The following GNPTAB variants were observed in gnomAD, a reference collection of about 807,000 sequenced individuals.
The protein encoded by GNPTAB is N-acetylglucosamine-1-phosphotransferase subunits alpha/beta.
A neutral mutation model predicts 136.6 loss-of-function variants in GNPTAB; 92 were observed. That is an observed-to-expected ratio of 0.67 (90% CI 0.57 to 0.80). The LOEUF (loss-of-function observed/expected upper bound fraction) is 0.80, where lower values mean the gene tolerates loss of function less well. GNPTAB is among the 30% of genes least tolerant of loss of function. The probability of loss-of-function intolerance (pLI) is 0.00; values close to 1 mark genes in which losing one functional copy is unlikely to be tolerated. For missense variants in GNPTAB, 1,343 were observed against 1,501.8 expected (o/e 0.89, Z 1.75); for synonymous variants, 512 against 535.1 (o/e 0.96, Z 0.60).
At position 101,746,273 on chromosome 12, in the gene GNPTAB, CTCTGT is replaced by C. The variant is rs1200219420; in HGVS notation, c.*886_*890del. ...CCTTTTACAAAGAAAGTTTGCTGGC[CTCTGT>C]TCTATCAAAAACCAACTGAGAGAGA... On this transcript the variant is annotated 3_prime_UTR_variant, in exon 21 of 21. Coordinates refer to ENST00000299314, the MANE Select transcript of GNPTAB (RefSeq NM_024312.5). 2.4e-5 allele frequency: 3 copies of C among 124,058 alleles called. No homozygotes were observed. Among genetic ancestry groups the C allele is most frequent in the South Asian group, 4.9e-4 (2 of 4,050 alleles). 7.7% of individuals were successfully genotyped at this position (124,058 alleles called of 1,614,324 possible).
chr12:101,794,690 T>TAAA (rs946866863), intron 2 of GNPTAB, among the ~76,000 whole-genome samples: 72 of 152,326 alleles, frequency 4.7e-4, no homozygotes, highest in African/African-American at 1.7e-3. Flanking sequence ...CCTTCTAAAC[T>TAAA]TCTTTAGAAA....
intron 1 of GNPTAB, among the ~76,000 whole-genome samples, chr12:101,808,125 AT>A (rs1933264003): frequency 6.6e-6 from 1 of 152,220 alleles, no homozygotes; most frequent in Non-Finnish European, 1.5e-5. Context: ...ATCAAAGAAG[AT>A]CCAAATGAAA....
chr12:101,749,005 ATT>A (rs1392423145), intron 20 of GNPTAB, 94 bp downstream of exon 20: 3 of 781,242 alleles, frequency 3.8e-6, no homozygotes, highest in African/African-American at 3.4e-5. Flanking sequence ...AGAAGTTAAA[ATT>A]TTGATTGTAA....
Position 101,757,295 on chromosome 12 carries a change from T to C in GNPTAB, c.3351A>G (p.Gly1117=). 6.3e-7 allele frequency: 1 copy of C among 1,594,864 alleles called. No homozygotes were observed. Among genetic ancestry groups the C allele is most frequent in the Admixed American group, 1.7e-5 (1 of 59,942 alleles). Residue 1117 remains glycine, a synonymous_variant, in exon 18 of 21, where the codon GGA becomes GGG. Coordinates refer to ENST00000299314, the MANE Select transcript of GNPTAB (RefSeq NM_024312.5). ...TCATTTTAAAAGCGATTTCTTCTTC[T>C]CCCATGATTTCAAACCTAATTATCA... ...DKNKYRFEIM[G]EEEIAFKMIR...
chr12:101,764,550 A>T lies in GNPTAB; in HGVS notation c.2367T>A (p.Thr789=), dbSNP rs139186716. 17 of 1,613,174 alleles carry T rather than the reference A, an allele frequency of 1.1e-5. No individual in the cohort carries two copies. In the African/African-American group the frequency reaches 2.1e-4, roughly 20 times the overall value. The change falls in exon 13 of 21, where the codon ACT becomes ACA. Residue 789 remains threonine (T), a synonymous_variant. Coordinates refer to ENST00000299314, the MANE Select transcript of GNPTAB (RefSeq NM_024312.5). ...LGVSERLQRL[T]FPAVSVKVNG... is the part of the protein sequence containing the mutation. ...TCACTTTTACACTCACTGCAGGAAAAGTCAACCTCTGCAATCTTTCAGACA... is the reference window on the plus strand; with the variant it reads ...TCACTTTTACACTCACTGCAGGAAATGTCAACCTCTGCAATCTTTCAGACA...
intron 2 of GNPTAB, among the ~76,000 whole-genome samples, chr12:101,794,171 G>A (rs1869149643): frequency 6.6e-6 from 1 of 152,088 alleles, no homozygotes; most frequent in Admixed American, 6.6e-5. Flanking sequence ...CCAAAGAGTT[G>A]GAAGAGATTG....
intron 7 of GNPTAB, among the ~76,000 whole-genome samples, chr12:101,775,003 G>A (rs1233210138): frequency 2.6e-5 from 4 of 152,200 alleles, no homozygotes; most frequent in Non-Finnish European, 5.9e-5. Context: ...TCACATATCT[G>A]CAAATACTCC....
At chr12:101,824,229 T>C (rs1344749379) in intron 1 of GNPTAB, among the ~76,000 whole-genome samples, 1 of 151,798 alleles carries the variant, frequency 6.6e-6, no homozygotes, top group African/African-American at 2.4e-5. Context: ...CTGCTGCAGT[T>C]ACTGAACTGG....
intron 4 of GNPTAB, among the ~76,000 whole-genome samples, chr12:101,786,493 C>T (rs980174071): frequency 2.6e-5 from 4 of 152,104 alleles, no homozygotes; most frequent in Non-Finnish European, 5.9e-5. Flanking sequence ...TGAAATTAAG[C>T]ACTTCATTAC....
At chr12:101,815,276 C>CTGGTCTCCCACCT (rs1442765476) in intron 1 of GNPTAB, among the ~76,000 whole-genome samples, 1 of 152,174 alleles carries the variant, frequency 6.6e-6, no homozygotes, top group African/African-American at 2.4e-5. Flanking sequence ...GTTGCCTAGG[C>CTGGTCTCCCACCT]TGGTCTCCCA....
chr12:101,763,687 T>A (rs1953036546), intron 13 of GNPTAB, among the ~76,000 whole-genome samples: 1 of 152,202 alleles, frequency 6.6e-6, no homozygotes. Flanking sequence ...TCATCTTGCA[T>A]TCCCCAGTGG....
At chr12:101,757,480 C>A in intron 17 of GNPTAB, 92 bp downstream of exon 17, 1 of 815,916 alleles carries the variant, frequency 1.2e-6, no homozygotes, top group Non-Finnish European at 2.1e-6. Context: ...TAGAACAGTG[C>A]TTAATAGACA....
intron 16 of GNPTAB, among the ~76,000 whole-genome samples, chr12:101,758,725 C>A (rs1366234787): frequency 6.6e-6 from 1 of 152,196 alleles, no homozygotes; most frequent in Admixed American, 6.5e-5. Context: ...GCTATGCTGA[C>A]CTCTTTCACC....
At chr12:101,791,459 C>T (rs1868983212) in intron 2 of GNPTAB, among the ~76,000 whole-genome samples, 1 of 136,086 alleles carries the variant, frequency 7.3e-6, no homozygotes, top group South Asian at 2.2e-4. Flanking sequence ...AGTTGATGAG[C>T]CAAAAAAAAA....
At chr12:101,793,545 G>A (rs1356313652) in intron 2 of GNPTAB, among the ~76,000 whole-genome samples, 1 of 152,154 alleles carries the variant, frequency 6.6e-6, no homozygotes, top group Non-Finnish European at 1.5e-5. Flanking sequence ...CGAGGTCAAT[G>A]AGTCAGTTGT....
chr12:101,783,916 C>T (rs918324765), intron 5 of GNPTAB, among the ~76,000 whole-genome samples: 1 of 151,244 alleles, frequency 6.6e-6, no homozygotes, highest in Admixed American at 6.6e-5. Context: ...CAGGGTTTTG[C>T]CATGTTACCA....
rs114694919 is a variant in GNPTAB, at chr12:101,747,512, A to T, written c.3694-271T>A. 6.2e-3 allele frequency among the ~76,000 whole-genome samples: 937 copies of T among 152,280 alleles called. 8 individuals carry two copies. The highest frequency in any genetic ancestry group is 0.021 in the African/African-American group (882 of 41,552). On this transcript the variant is annotated intron_variant, in intron 20 of 20. Coordinates refer to ENST00000299314, the MANE Select transcript of GNPTAB (RefSeq NM_024312.5). ...TCGGCCCATGCTTCATTTTTCTAAG[A>T]CCTACAACTACAGATTTTTACACAG...
At chr12:101,792,012 A>C (rs1054375937) in intron 2 of GNPTAB, among the ~76,000 whole-genome samples, 3 of 152,224 alleles carry the variant, frequency 2.0e-5, no homozygotes, top group Non-Finnish European at 4.4e-5. Context: ...GAAGTAAATC[A>C]AATAAATAAA....
intron 1 of GNPTAB, among the ~76,000 whole-genome samples, chr12:101,804,117 G>A (rs188970039): frequency 1.0e-3 from 157 of 152,168 alleles, no homozygotes; most frequent in African/African-American, 3.7e-3. Flanking sequence ...AGCACTCACT[G>A]GCAGGAGAAT....
Sources: allele counts gnomAD v4.1 joint callset (sites outside exome capture counted in the v4.1 genomes callset), GRCh38; gene constraint gnomAD v4.1.1; transcripts MANE v1.5; gene names NCBI Gene and HGNC (gene_info 2026-07-23, HGNC 2026-07-21).